UMODL1: variants seen among roughly 807,000 people sequenced by gnomAD.
UMODL1 encodes uromodulin like 1, also known as uromodulin-like 1.
UMODL1 carries 128 observed loss-of-function variants against 136.3 expected under a neutral mutation model. That is an observed-to-expected ratio of 0.94 (90% CI 0.81 to 1.09). The LOEUF is 1.09. Ranked by LOEUF, UMODL1 falls within the 50% of genes least tolerant of loss-of-function variation. The pLI is 0.00. For missense variants in UMODL1, 1,766 were observed against 1,725.6 expected (o/e 1.02, Z -0.41); for synonymous variants, 721 against 720.0 (o/e 1.00, Z -0.02).
chr21:42,075,250 G>GC (rs2066276999), intron 1 of UMODL1, among the ~76,000 whole-genome samples: 1 of 151,682 alleles, frequency 6.6e-6, no homozygotes, highest in Admixed American at 6.6e-5. Flanking sequence ...ATGGGGGGGG[G>GC]GTTTCACCAT....
At chr21:42,120,222 C>T (rs1269910959) in intron 15 of UMODL1, among the ~76,000 whole-genome samples, 2 of 152,206 alleles carry the variant, frequency 1.3e-5, no homozygotes, top group Non-Finnish European at 2.9e-5. Context: ...CAGGTGTTTG[C>T]ACAGATTGCT....
chr21:42,127,998 C>T lies in UMODL1; in HGVS notation c.3690+167C>T, dbSNP rs116673538. On this transcript the variant is annotated intron_variant, in intron 20 of 22. Coordinates refer to ENST00000408910, the MANE Select transcript of UMODL1 (RefSeq NM_001004416.3). Reference sequence around the variant, plus strand: ...CTCCGCGTCTGAAATGGTATTTCCACGGCAGGCAGCCCTTGGACGGAGGAC... The same window carrying T: ...CTCCGCGTCTGAAATGGTATTTCCATGGCAGGCAGCCCTTGGACGGAGGAC... 169 of 877,858 alleles carry T rather than the reference C, an allele frequency of 1.9e-4. No individual in the cohort carries two copies. The African/African-American group carries it at 2.4e-3, about 12-fold the overall frequency. The allele number at this position is 877,858 out of a possible 1,614,324, so 54.4% of individuals were successfully genotyped here. A position where few individuals can be genotyped will look rare whatever the true frequency, so the allele number is the denominator to read the frequency against.
chr21:42,136,375 T>TC, intron 21 of UMODL1, among the ~76,000 whole-genome samples: 1 of 152,270 alleles, frequency 6.6e-6, no homozygotes. Flanking sequence ...CCATCCACCT[T>TC]CCCCCTGTCT....
At chr21:42,097,736 A>G (rs112977569) in intron 6 of UMODL1, among the ~76,000 whole-genome samples, 4,464 of 152,320 alleles carry the variant, frequency 0.029, 89 homozygotes, top group Middle Eastern at 0.048. Context: ...TTCTGATGTG[A>G]AAATTTTGGT....
rs2066661334 is a variant in UMODL1, at chr21:42,103,348, T to C, written c.1300-520T>C. The C allele has an allele frequency of 3.8e-5, 10 of 265,292 alleles. No individual in the cohort carries two copies. In the Admixed American group the frequency reaches 4.6e-4, roughly 12 times the overall value. The allele number at this position is 265,292 out of a possible 1,614,324, so 16.4% of individuals were successfully genotyped here. A position where few individuals can be genotyped will look rare whatever the true frequency, so the allele number is the denominator to read the frequency against. On this transcript the variant is annotated intron_variant, in intron 8 of 22. Transcript: ENST00000408910. ...ATGTTAACTCACTTGTGTGTGCAAGTATGGGTTGGCACAAAGGCAGGGAAC... is the reference window on the plus strand; with the variant it reads ...ATGTTAACTCACTTGTGTGTGCAAGCATGGGTTGGCACAAAGGCAGGGAAC...
At position 42,129,813 on chromosome 21, in the gene UMODL1, G is replaced by C; in HGVS notation, c.3775+16G>C. ...CGGTCTGAAGGTGAGTTGATGACTT[G>C]GTTTAGACAATGAAAGAAAAGATGC... is the stretch of plus-strand genomic sequence containing the variant. On this transcript the variant is annotated intron_variant, in intron 21 of 22. Transcript: ENST00000408910. The C allele has an allele frequency of 6.6e-7, 1 of 1,524,518 alleles. No homozygotes were observed. Among genetic ancestry groups the C allele is most frequent in the Non-Finnish European group, 8.8e-7 (1 of 1,139,916 alleles). The allele number at this position is 1,524,518 out of a possible 1,614,324, so 94.4% of individuals were successfully genotyped here. A position where few individuals can be genotyped will look rare whatever the true frequency, so the allele number is the denominator to read the frequency against.
At position 42,088,327 on chromosome 21, in the gene UMODL1, G is replaced by A. The variant is rs202122975; in HGVS notation, c.637G>A (p.Val213Ile). 208 of 1,613,646 alleles carry A rather than the reference G, an allele frequency of 1.3e-4. No homozygotes were observed. The African/African-American group carries it at 1.6e-3, about 13-fold the overall frequency. ...CGCCCTGCAACCAATGGCCTCCACC[G>A]TCCACCACCTGCACTCAGCCCCTGG... Reference protein sequence around the residue: ...TSALQPMASTVHHLHSAPGNA... With the variant: ...TSALQPMASTIHHLHSAPGNA... The change falls in exon 5 of 23, where the codon GTC becomes ATC. Residue 213 changes from valine (V) to isoleucine (I), a missense_variant. Coordinates refer to ENST00000408910, the MANE Select transcript of UMODL1 (RefSeq NM_001004416.3).
chr21:42,138,164 T>A (rs1460329434), intron 22 of UMODL1, among the ~76,000 whole-genome samples: 1 of 152,152 alleles, frequency 6.6e-6, no homozygotes, highest in Non-Finnish European at 1.5e-5. Context: ...CTCGGTTTCA[T>A]CATTTGTAAA....
Position 42,122,546 on chromosome 21 carries a change from C to CGT in UMODL1, c.2828-274_2828-273dup, listed in dbSNP as rs60399838. Among the ~76,000 whole-genome samples, 11 of 151,820 alleles carry CGT rather than the reference C, an allele frequency of 7.2e-5. No homozygotes were observed. Among genetic ancestry groups the CGT allele is most frequent in the African/African-American group, 2.2e-4 (9 of 41,302 alleles). ...GAAATGTGCAACATGTGCATGTGTGCGTGTGTGTGTGTCTGCACGTGTGTG... is the reference window on the plus strand; with the variant it reads ...GAAATGTGCAACATGTGCATGTGTGCGTGTGTGTGTGTGTCTGCACGTGTGTG... On this transcript the variant is annotated intron_variant, in intron 16 of 22. Coordinates refer to ENST00000408910, the MANE Select transcript of UMODL1 (RefSeq NM_001004416.3). The surrounding 1 kb of genome is among the most constrained non-coding windows in gnomAD (Gnocchi z 4.3).
intron 11 of UMODL1, 51 bp from the exon 12 acceptor site, chr21:42,111,455 C>A: frequency 6.2e-7 from 1 of 1,613,902 alleles, no homozygotes; most frequent in Non-Finnish European, 8.5e-7. Flanking sequence ...TGGGTCAACC[C>A]ACAGCTTCCC....
chr21:42,075,906 T>C (rs1433431461), intron 1 of UMODL1, 99 bp from the exon 2 acceptor site: 2 of 1,534,452 alleles, frequency 1.3e-6, no homozygotes, highest in Non-Finnish European at 1.8e-6. Context: ...GCGGGAGGTG[T>C]GCTCTCACTT....
intron 21 of UMODL1, among the ~76,000 whole-genome samples, chr21:42,131,808 G>A (rs372947809): frequency 1.8e-4 from 28 of 152,350 alleles, no homozygotes; most frequent in Middle Eastern, 6.8e-3. Flanking sequence ...TCAGGTGACT[G>A]TTGGTCAAGG....
Position 42,102,334 on chromosome 21 carries a change from A to C in UMODL1, c.1299+56A>C, listed in dbSNP as rs1308363946. On this transcript the variant is annotated intron_variant, in intron 8 of 22. Transcript: ENST00000408910. Reference sequence around the variant, plus strand: ...CTTGGGTGTTCTGAGTGAGGACATCAAACACAAGCCGTTAATTCCTGCCCA... The same window carrying C: ...CTTGGGTGTTCTGAGTGAGGACATCCAACACAAGCCGTTAATTCCTGCCCA... 5.4e-6 allele frequency: 7 copies of C among 1,298,826 alleles called. No homozygotes were observed. In the Admixed American group the frequency reaches 1.1e-4, roughly 21 times the overall value. 80.5% of individuals were successfully genotyped at this position (1,298,826 alleles called of 1,614,324 possible).
intron 20 of UMODL1, among the ~76,000 whole-genome samples, chr21:42,128,334 T>C (rs541185310): frequency 4.6e-4 from 70 of 152,348 alleles, no homozygotes; most frequent in African/African-American, 1.6e-3. Flanking sequence ...TTTGTAATCC[T>C]GAGGTTTGAA....
rs757886870 is a variant in UMODL1, at chr21:42,137,507, G to T, written c.3844G>T (p.Val1282Leu). ...GGTCCTTATTGTGGTGGCCATCTTCGTGCTGGTGGCGGGAACAGCCACCCT... is the reference window on the plus strand; with the variant it reads ...GGTCCTTATTGTGGTGGCCATCTTCTTGCTGGTGGCGGGAACAGCCACCCT... ...YVVLIVVAIF[V>L]LVAGTATLLI... Residue 1282 changes from valine (V) to leucine (L), a missense_variant, in exon 22 of 23, where the codon GTG becomes TTG. Coordinates refer to ENST00000408910, the MANE Select transcript of UMODL1 (RefSeq NM_001004416.3). 5 of 1,614,234 alleles carry T rather than the reference G, an allele frequency of 3.1e-6. No homozygotes were observed. Among genetic ancestry groups the T allele is most frequent in the Admixed American group, 3.3e-5 (2 of 60,032 alleles).
intron 14 of UMODL1, among the ~76,000 whole-genome samples, chr21:42,118,585 G>A (rs963588228): frequency 6.6e-6 from 1 of 152,192 alleles, no homozygotes; most frequent in East Asian, 1.9e-4. Flanking sequence ...TAATGGGGAA[G>A]TTGGAAATGC....
At chr21:42,066,840 T>C (rs920589522), upstream of UMODL1, among the ~76,000 whole-genome samples, 10 of 152,258 alleles carry the variant, frequency 6.6e-5, no homozygotes, top group Non-Finnish European at 1.5e-5. Flanking sequence ...ATAAGATCCT[T>C]TCTTTGCAGT....
chr21:42,069,418 A>T (rs1030319394), upstream of UMODL1, among the ~76,000 whole-genome samples: 8 of 152,330 alleles, frequency 5.3e-5, no homozygotes, highest in African/African-American at 1.9e-4. Context: ...ATGGATGATT[A>T]TAAATTATTA....
intron 19 of UMODL1, 136 bp downstream of exon 19, chr21:42,127,378 G>T: frequency 2.2e-6 from 2 of 889,734 alleles, no homozygotes; most frequent in South Asian, 3.1e-5. Flanking sequence ...GCTCAGGAGT[G>T]CAGGCACCCC....
Sources: allele counts gnomAD v4.1 joint callset (sites outside exome capture counted in the v4.1 genomes callset), GRCh38; gene constraint gnomAD v4.1.1; non-coding constraint Gnocchi (gnomAD v3.1); transcripts MANE v1.5; gene names NCBI Gene and HGNC (gene_info 2026-07-23, HGNC 2026-07-21).